The following NDUFA5 variants were observed in gnomAD, a reference collection of about 807,000 sequenced individuals.
NDUFA5 encodes NADH:ubiquinone oxidoreductase subunit A5.
A neutral mutation model predicts 19.8 loss-of-function variants in NDUFA5; 11 were observed. The observed-to-expected ratio is 0.56, with a 90% CI of 0.35 to 0.92. NDUFA5 has a LOEUF of 0.92. NDUFA5 is among the 40% of genes least tolerant of loss of function. The pLI is 0.01. For synonymous variants in NDUFA5, 47 were observed against 46.8 expected (o/e 1.00, Z -0.01); for missense variants, 109 against 134.2 (o/e 0.81, Z 0.93).
chr7:123,589,953 C>T, the NDUFA5 span, among the ~76,000 whole-genome samples: 1 of 152,172 alleles, frequency 6.6e-6, no homozygotes, highest in Non-Finnish European at 1.5e-5. Flanking sequence ...AAAAGCGTTC[C>T]TATTTCTCCA....
chr7:123,597,574 G>A, the NDUFA5 span, among the ~76,000 whole-genome samples: 1 of 152,168 alleles, frequency 6.6e-6, no homozygotes, highest in African/African-American at 2.4e-5. Flanking sequence ...GCTCACGCCT[G>A]TAATCCCAGC....
the NDUFA5 span, among the ~76,000 whole-genome samples, chr7:123,562,963 AT>A: frequency 3.3e-5 from 5 of 149,758 alleles, no homozygotes; most frequent in East Asian, 5.9e-4. Context: ...CTCCCAGCTA[AT>A]TTTTTTTTGT....
the NDUFA5 span, among the ~76,000 whole-genome samples, chr7:123,577,379 T>TA: frequency 6.6e-6 from 1 of 152,200 alleles, no homozygotes; most frequent in African/African-American, 2.4e-5. Context: ...AATGCTTCTG[T>TA]AACTGGCCCA....
chr7:123,586,684 T>C, the NDUFA5 span, among the ~76,000 whole-genome samples: 1 of 151,898 alleles, frequency 6.6e-6, no homozygotes, highest in Middle Eastern at 3.4e-3. Flanking sequence ...TCTAGTAGTT[T>C]TACAGTTTCA....
the NDUFA5 span, among the ~76,000 whole-genome samples, chr7:123,576,779 T>C: frequency 1.3e-5 from 2 of 152,324 alleles, no homozygotes; most frequent in South Asian, 4.1e-4. Context: ...TTTTGTGGCA[T>C]GTCTAAGATC....
At chr7:123,563,649 A>G in the NDUFA5 span, among the ~76,000 whole-genome samples, 1,203 of 152,368 alleles carry the variant, frequency 7.9e-3, 8 homozygotes, top group Non-Finnish European at 0.013. Flanking sequence ...TGCTTGATAC[A>G]TAGTTGCCAC....
At chr7:123,544,764 TAAAAAAA>T (rs61556029) in intron 4 of NDUFA5, among the ~76,000 whole-genome samples, 2 of 61,834 alleles carry the variant, frequency 3.2e-5, no homozygotes, top group East Asian at 5.1e-4. Flanking sequence ...ATGCAAATCT[TAAAAAAA>T]AAAAAAAAAA....
At chr7:123,564,269 C>T in the NDUFA5 span, among the ~76,000 whole-genome samples, 1 of 152,196 alleles carries the variant, frequency 6.6e-6, no homozygotes. Context: ...TATGGCACCA[C>T]CTACTTGACT....
chr7:123,584,239 G>A, the NDUFA5 span, among the ~76,000 whole-genome samples: 4 of 145,368 alleles, frequency 2.8e-5, no homozygotes, highest in East Asian at 4.1e-4. Flanking sequence ...TGAAGCCCAG[G>A]TAATCAAGGC....
At chr7:123,584,009 C>G in the NDUFA5 span, among the ~76,000 whole-genome samples, 2 of 151,838 alleles carry the variant, frequency 1.3e-5, no homozygotes, top group Non-Finnish European at 2.9e-5. Context: ...CTGGTTAGCC[C>G]CGGAGTTCAT....
At chr7:123,591,514 G>A in the NDUFA5 span, among the ~76,000 whole-genome samples, 1 of 152,174 alleles carries the variant, frequency 6.6e-6, no homozygotes. Flanking sequence ...ATGAAAGGCT[G>A]TTGAAGTTTG....
chr7:123,537,431 T>C lies in NDUFA5; in HGVS notation c.*4688A>G, dbSNP rs533919803. On this transcript the variant is annotated 3_prime_UTR_variant, in exon 5 of 5. Coordinates refer to ENST00000355749, the MANE Select transcript of NDUFA5 (RefSeq NM_005000.5). ...ATCATAATACCACTTTGTGAACTTGTTAAGAGAATGGAAATATAGGTCTAT... is the reference window on the plus strand; with the variant it reads ...ATCATAATACCACTTTGTGAACTTGCTAAGAGAATGGAAATATAGGTCTAT... The C allele has an allele frequency of 6.6e-6, 1 of 152,284 alleles. No homozygotes were observed. The highest frequency in any genetic ancestry group is 1.9e-4 in the East Asian group (1 of 5,186). 9.4% of individuals were successfully genotyped at this position (152,284 alleles called of 1,614,324 possible). A position where few individuals can be genotyped will look rare whatever the true frequency, so the allele number is the denominator to read the frequency against.
intron 4 of NDUFA5, among the ~76,000 whole-genome samples, chr7:123,544,266 A>C (rs1562892280): frequency 6.6e-6 from 1 of 152,134 alleles, no homozygotes; most frequent in Non-Finnish European, 1.5e-5. Context: ...TGGGAGGCCG[A>C]GGCAGGCAGA....
Position 123,538,232 on chromosome 7 carries a change from C to T in NDUFA5, c.*3887G>A, listed in dbSNP as rs1209280006. ...CTATGAGCACTCCTTGCCAACCCTC[C>T]TTAGACATGCAGTATGAATAAAAAA... On this transcript the variant is annotated 3_prime_UTR_variant, in exon 5 of 5. Transcript: ENST00000355749. 1 of 152,164 alleles carries T rather than the reference C, an allele frequency of 6.6e-6. No homozygotes were observed. The highest frequency in any genetic ancestry group is 6.5e-5 in the Admixed American group (1 of 15,268). The allele number at this position is 152,164 out of a possible 1,614,324, so 9.4% of individuals were successfully genotyped here.
At chr7:123,567,025 C>T in the NDUFA5 span, 2 of 152,144 alleles carry the variant, frequency 1.3e-5, no homozygotes, top group East Asian at 3.8e-4. Context: ...TGGGTTCAGG[C>T]TTCTGCTGTA....
At chr7:123,550,685 G>C in intron 2 of NDUFA5, 99 bp from the exon 3 acceptor site, 2 of 450,794 alleles carry the variant, frequency 4.4e-6, no homozygotes, top group Non-Finnish European at 7.5e-6. Context: ...ACTCACATCT[G>C]TTTTTTTTTT....
chr7:123,582,537 C>T, the NDUFA5 span, among the ~76,000 whole-genome samples: 2 of 151,956 alleles, frequency 1.3e-5, no homozygotes, highest in African/African-American at 4.8e-5. Flanking sequence ...TCTGTAGGTT[C>T]CTCAATGCGT....
the NDUFA5 span, among the ~76,000 whole-genome samples, chr7:123,596,070 G>C: frequency 1.3e-5 from 2 of 151,920 alleles, no homozygotes; most frequent in African/African-American, 4.8e-5. Flanking sequence ...TTTTTTCTCA[G>C]TACTTATACT....
chr7:123,577,901 T>A, the NDUFA5 span, among the ~76,000 whole-genome samples: 3 of 152,018 alleles, frequency 2.0e-5, no homozygotes, highest in Non-Finnish European at 4.4e-5. Flanking sequence ...ATTACTTTTT[T>A]AAAAATTATA....
Sources: allele counts gnomAD v4.1 joint callset (sites outside exome capture counted in the v4.1 genomes callset), GRCh38; gene constraint gnomAD v4.1.1; transcripts MANE v1.5; gene names NCBI Gene and HGNC (gene_info 2026-07-23, HGNC 2026-07-21).